Variants in GNA14 observed in about 807,000 individuals in gnomAD.
GNA14 encodes the protein guanine nucleotide-binding protein subunit alpha-14.
In GNA14, 50 loss-of-function variants were observed where a neutral mutation model predicts 42.0. The ratio of observed to expected loss-of-function variants is 1.19; its 90% CI spans 0.95 to 1.51. GNA14 has a LOEUF of 1.51. Among genes scored for constraint, GNA14 ranks in the 40% most tolerant of loss-of-function variants. The pLI is 0.00. For missense variants in GNA14, 473 were observed against 446.2 expected, an observed-to-expected ratio of 1.06 and a Z score of -0.54; for synonymous variants, 173 against 163.1, an observed-to-expected ratio of 1.06 and a Z score of -0.46.
intron 1 of GNA14, among the ~76,000 whole-genome samples, chr9:77,546,022 C>G (rs879444798): frequency 6.6e-6 from 1 of 151,932 alleles, no homozygotes; most frequent in African/African-American, 2.4e-5. Flanking sequence ...TCGAGACCAG[C>G]CTGGCCAACA....
At chr9:77,600,010 T>C (rs1489786715) in intron 1 of GNA14, among the ~76,000 whole-genome samples, 4 of 152,236 alleles carry the variant, frequency 2.6e-5, no homozygotes, top group Non-Finnish European at 5.9e-5. Flanking sequence ...ATTAGCTTGA[T>C]TTAGCCATTC....
intron 1 of GNA14, among the ~76,000 whole-genome samples, chr9:77,557,257 A>C (rs1336614539): frequency 6.6e-6 from 1 of 152,184 alleles, no homozygotes; most frequent in Non-Finnish European, 1.5e-5. Flanking sequence ...AGAGAGGAAA[A>C]TGGAAAGAAA....
At chr9:77,481,811 C>G (rs985018633) in intron 2 of GNA14, among the ~76,000 whole-genome samples, 13 of 152,200 alleles carry the variant, frequency 8.5e-5, no homozygotes, top group African/African-American at 2.9e-4. Flanking sequence ...TAATGGCCTT[C>G]TTTGTCTCTT....
At chr9:77,625,403 C>T (rs1167809801) in intron 1 of GNA14, among the ~76,000 whole-genome samples, 1 of 152,026 alleles carries the variant, frequency 6.6e-6, no homozygotes, top group Non-Finnish European at 1.5e-5. Flanking sequence ...GAGAACACAA[C>T]AAAGATACTC....
chr9:77,600,338 G>C (rs185609465), intron 1 of GNA14, among the ~76,000 whole-genome samples: 1 of 152,310 alleles, frequency 6.6e-6, no homozygotes, highest in East Asian at 1.9e-4. Context: ...TCAAGAAAGA[G>C]CTTTCATCAG....
chr9:77,528,569 T>C (rs1027526448), intron 2 of GNA14, among the ~76,000 whole-genome samples: 4 of 152,114 alleles, frequency 2.6e-5, no homozygotes, highest in East Asian at 1.9e-4. Context: ...GGCTGGGCCA[T>C]TAGCATTGTG....
At chr9:77,638,460 G>A (rs538336437) in intron 1 of GNA14, among the ~76,000 whole-genome samples, 3 of 152,298 alleles carry the variant, frequency 2.0e-5, no homozygotes, top group South Asian at 2.1e-4. Flanking sequence ...GAGCTGAGAC[G>A]TGAAGATAAG....
At chr9:77,524,934 C>T (rs1366540779) in intron 2 of GNA14, among the ~76,000 whole-genome samples, 2 of 152,064 alleles carry the variant, frequency 1.3e-5, no homozygotes, top group Non-Finnish European at 1.5e-5. Flanking sequence ...TCTCATTTAA[C>T]AGGTAAGAAA....
At chr9:77,456,299 G>A (rs759034766) in intron 2 of GNA14, 1 of 152,312 alleles carries the variant, frequency 6.6e-6, no homozygotes, top group South Asian at 2.1e-4. Flanking sequence ...TTAAAGGAAG[G>A]AAAGAGTGGG....
At chr9:77,637,781 G>GA (rs1293084593) in intron 1 of GNA14, among the ~76,000 whole-genome samples, 1 of 152,196 alleles carries the variant, frequency 6.6e-6, no homozygotes, top group Non-Finnish European at 1.5e-5. Flanking sequence ...TTGAGCCCAG[G>GA]AGGCCAAGGC....
chr9:77,452,588 G>GTA (rs1835925404), intron 2 of GNA14, among the ~76,000 whole-genome samples: 2 of 139,584 alleles, frequency 1.4e-5, no homozygotes, highest in Admixed American at 7.3e-5. Context: ...ATGTGTATGT[G>GTA]TGTGTGTGGT....
At position 77,643,467 on chromosome 9, in the gene GNA14, G is replaced by C. The variant is rs146422168; in HGVS notation, c.124+4203C>G. 3.9e-3 allele frequency among the ~76,000 whole-genome samples: 586 copies of C among 152,192 alleles called. 7 individuals are homozygous for C. Among genetic ancestry groups the C allele is most frequent in the African/African-American group, 0.013 (557 of 41,494 alleles). On this transcript the variant is annotated intron_variant, in intron 1 of 6. Coordinates refer to ENST00000341700, the MANE Select transcript of GNA14 (RefSeq NM_004297.4). ...TTTGTCAGGCTGGTCTTGAACTCCT[G>C]ACCTCAGGTGATCCGCCCGCCTCAG... is the stretch of plus-strand genomic sequence containing the variant.
chr9:77,564,115 G>A (rs781469615), intron 1 of GNA14, among the ~76,000 whole-genome samples: 19 of 152,008 alleles, frequency 1.2e-4, no homozygotes, highest in Non-Finnish European at 2.5e-4. Flanking sequence ...CCTTCCACCG[G>A]ATCCTTATCA....
chr9:77,645,146 C>T (rs141659574), intron 1 of GNA14, among the ~76,000 whole-genome samples: 1,753 of 152,262 alleles, frequency 0.012, 33 homozygotes, highest in African/African-American at 0.04. Flanking sequence ...TTTGCAAAAG[C>T]ATGCTTCATT....
At chr9:77,621,357 T>C (rs1483366046) in intron 1 of GNA14, among the ~76,000 whole-genome samples, 3 of 152,250 alleles carry the variant, frequency 2.0e-5, no homozygotes, top group Non-Finnish European at 4.4e-5. Context: ...ACATTGTAGA[T>C]AGAATAGGTT....
intron 1 of GNA14, among the ~76,000 whole-genome samples, chr9:77,587,075 A>T (rs1823317186): frequency 6.6e-6 from 1 of 151,768 alleles, no homozygotes; most frequent in South Asian, 2.1e-4. Context: ...TATCTGACTA[A>T]ATAATTTCTT....
chr9:77,511,722 C>T (rs1377375920), intron 2 of GNA14, among the ~76,000 whole-genome samples: 2 of 152,124 alleles, frequency 1.3e-5, no homozygotes, highest in Non-Finnish European at 2.9e-5. Context: ...CACATCTATC[C>T]CCACCTCCAT....
chr9:77,520,313 G>T (rs1837335502), intron 2 of GNA14, among the ~76,000 whole-genome samples: 2 of 152,180 alleles, frequency 1.3e-5, no homozygotes, highest in African/African-American at 4.8e-5. Context: ...GATCAGTGAA[G>T]TAACTGGATG....
At chr9:77,531,385 A>G (rs962077763) in intron 1 of GNA14, among the ~76,000 whole-genome samples, 4 of 152,220 alleles carry the variant, frequency 2.6e-5, no homozygotes, top group African/African-American at 9.6e-5. Context: ...TCTTGGCTGC[A>G]CAAACCCTAT....
Sources: allele counts gnomAD v4.1 joint callset (sites outside exome capture counted in the v4.1 genomes callset), GRCh38; gene constraint gnomAD v4.1.1; transcripts MANE v1.5; gene names NCBI Gene and HGNC (gene_info 2026-07-23, HGNC 2026-07-21).